CACNB3: variants seen among roughly 807,000 people sequenced by gnomAD.
CACNB3 encodes voltage-dependent L-type calcium channel subunit beta-3.
Under a neutral mutation model 63.7 loss-of-function variants are expected in CACNB3, and 36 were observed. That is an observed-to-expected ratio of 0.57 (90% confidence interval 0.43 to 0.75). The LOEUF (loss-of-function observed/expected upper bound fraction) is 0.75, where lower values mean the gene tolerates loss of function less well. CACNB3 is among the 30% of genes least tolerant of loss of function. The probability of loss-of-function intolerance (pLI) is 0.00; values close to 1 mark genes in which losing one functional copy is unlikely to be tolerated. For synonymous variants in CACNB3, 241 were observed against 250.6 expected (o/e 0.96, Z 0.36); for missense variants, 493 against 648.6 (o/e 0.76, Z 2.61).
upstream of CACNB3, among the ~76,000 whole-genome samples, chr12:48,816,077 T>C (rs1942281806): frequency 6.6e-6 from 1 of 152,194 alleles, no homozygotes; most frequent in Non-Finnish European, 1.5e-5. Context: ...GGCCTCCACC[T>C]GGTCCAGATC....
At chr12:48,824,466 C>T in intron 4 of CACNB3, 93 bp downstream of exon 4, 1 of 1,173,020 alleles carries the variant, frequency 8.5e-7, no homozygotes, top group Non-Finnish European at 1.2e-6. Flanking sequence ...ACATGCATAT[C>T]CCCCTGAAAT....
In CACNB3 at chr12:48,825,455, G is replaced by T. The variant is rs1407247728; in HGVS notation, c.595G>T (p.Ala199Ser). The T allele has an allele frequency of 2.5e-6, 4 of 1,614,170 alleles. No homozygotes were observed. In the Admixed American group the frequency reaches 5.0e-5, roughly 20 times the overall value. The change falls in exon 8 of 13, where the codon GCT becomes TCT. Residue 199 changes from alanine to serine, a missense_variant. Physicochemically the swap from Ala to Ser is moderately conservative, Grantham distance 99. Transcript: ENST00000301050. This position sits in a 1 kb window ranked among gnomAD's most constrained non-coding sequence, Gnocchi z 4.5. ...CCAGGTCACAGACATGATGCAGAAGGCTCTCTTCGACTTCCTCAAACACAG... is the reference window on the plus strand; with the variant it reads ...CCAGGTCACAGACATGATGCAGAAGTCTCTCTTCGACTTCCTCAAACACAG... ...GYEVTDMMQKALFDFLKHRFD... is the reference protein window; with the variant it reads ...GYEVTDMMQKSLFDFLKHRFD...
chr12:48,814,689 G>C, upstream of CACNB3: 1 of 952,374 alleles, frequency 1.1e-6, no homozygotes, highest in East Asian at 3.0e-5. The surrounding 1 kb of genome is among the most constrained non-coding windows in gnomAD (Gnocchi z 6.9). Flanking sequence ...GAAAGGAGGG[G>C]GAGAGGGGTT....
In CACNB3 at chr12:48,823,042, C is replaced by T. The variant is rs1937937027; in HGVS notation, c.46-302C>T. 1.3e-5 allele frequency among the ~76,000 whole-genome samples: 2 copies of T among 152,116 alleles called. No homozygotes were observed. The highest frequency in any genetic ancestry group is 4.8e-5 in the African/African-American group (2 of 41,402). On this transcript the variant is annotated intron_variant, in intron 1 of 12. Coordinates refer to ENST00000301050, the MANE Select transcript of CACNB3 (RefSeq NM_000725.4). The surrounding 1 kb of genome is among the most constrained non-coding windows in gnomAD (Gnocchi z 4.2). ...ACCTCCCTTCCCTCGGCTCAGAGGA[C>T]ATGTTAGAGGGGAGAAAAGGGAGGA...
rs1334206849 is a variant in CACNB3, at chr12:48,823,124, G to A, written c.46-220G>A. 1.3e-5 allele frequency among the ~76,000 whole-genome samples: 2 copies of A among 152,190 alleles called. No individual in the cohort carries two copies. Among genetic ancestry groups the A allele is most frequent in the Non-Finnish European group, 2.9e-5 (2 of 68,032 alleles). Reference sequence around the variant, plus strand: ...CAGTATTAATAGGCTTGGGGGAGGAGGGGCCCAGATCTTTGCACCTATGGA... The same window carrying A: ...CAGTATTAATAGGCTTGGGGGAGGAAGGGCCCAGATCTTTGCACCTATGGA... On this transcript the variant is annotated intron_variant, in intron 1 of 12. Coordinates refer to ENST00000301050, the MANE Select transcript of CACNB3 (RefSeq NM_000725.4). This position sits in a 1 kb window ranked among gnomAD's most constrained non-coding sequence, Gnocchi z 4.2.
At chr12:48,827,304 A>G (rs556198993) in intron 12 of CACNB3, among the ~76,000 whole-genome samples, 181 bp downstream of exon 12, 3 of 152,340 alleles carry the variant, frequency 2.0e-5, no homozygotes, top group African/African-American at 7.2e-5. Flanking sequence ...GAGGGAATCA[A>G]TCAATGAGAT....
chr12:48,816,732 G>A, upstream of CACNB3: 1 of 445,426 alleles, frequency 2.2e-6, no homozygotes, highest in Non-Finnish European at 3.0e-6. Context: ...TGAGGAAGGA[G>A]TGCTGCCGAT....
chr12:48,814,549 T>G, upstream of CACNB3: 3 of 1,518,392 alleles, frequency 2.0e-6, no homozygotes, highest in East Asian at 5.1e-5. The surrounding 1 kb of genome is among the most constrained non-coding windows in gnomAD (Gnocchi z 6.9). Context: ...GAGACCAGGA[T>G]GGAGGTAGGG....
rs892664358 is a variant in CACNB3 at position 48,827,929 on chromosome 12, A to G, written c.*30A>G. ...CTCCTGCTGCCCTACCCTGGCAGGC[A>G]CAGGCGCAGCTGGCTGGGGGGCCCA... On this transcript the variant is annotated 3_prime_UTR_variant, in exon 13 of 13. Coordinates refer to ENST00000301050, the MANE Select transcript of CACNB3 (RefSeq NM_000725.4). The G allele has an allele frequency of 1.9e-6, 3 of 1,588,754 alleles. No homozygotes were observed. The highest frequency in any genetic ancestry group is 2.6e-6 in the Non-Finnish European group (3 of 1,161,484).
chr12:48,818,538 C>G lies in CACNB3; in HGVS notation c.-392C>G, dbSNP rs1937643369. ...CCACGGCCCCGTAGGTGCTCGGGGA[C>G]CCACCTTCCACCTAGCACGGGTTCG... On this transcript the variant is annotated 5_prime_UTR_variant, in exon 1 of 13. Coordinates refer to ENST00000301050, the MANE Select transcript of CACNB3 (RefSeq NM_000725.4). This position sits in a 1 kb window ranked among gnomAD's most constrained non-coding sequence, Gnocchi z 4.3. 9.8e-7 allele frequency: 1 copy of G among 1,022,686 alleles called. No homozygotes were observed. Among genetic ancestry groups the G allele is most frequent in the African/African-American group, 1.7e-5 (1 of 58,166 alleles). The allele number at this position is 1,022,686 out of a possible 1,614,324, so 63.4% of individuals were successfully genotyped here.
Position 48,823,487 on chromosome 12 carries a change from G to T in CACNB3, c.168+21G>T, listed in dbSNP as rs1420902432. 1 of 1,611,780 alleles carries T rather than the reference G, an allele frequency of 6.2e-7. No individual in the cohort carries two copies. The highest frequency in any genetic ancestry group is 8.5e-7 in the Non-Finnish European group (1 of 1,178,798). ...CCAAGGTATACTTTCTGGGCATGGG[G>T]CAAGACAGGAGGCCAAGCTAGGTGG... On this transcript the variant is annotated intron_variant, in intron 2 of 12. Transcript: ENST00000301050. This position sits in a 1 kb window ranked among gnomAD's most constrained non-coding sequence, Gnocchi z 4.2.
exon 1 of CACNB3, chr12:48,818,490 TCTCCTCCCCTTC>T (rs1222343626): frequency 1.0e-6 from 1 of 997,618 alleles, no homozygotes; most frequent in Admixed American, 6.1e-5. This position sits in a 1 kb window ranked among gnomAD's most constrained non-coding sequence, Gnocchi z 4.3. Context: ...GCCCGCAGCC[TCTCCTCCCCTTC>T]CTCCCCGCCG....
rs768890638 is a variant in CACNB3, at chr12:48,827,676, G to A, written c.1232G>A (p.Arg411His). Residue 411 changes from arginine (R) to histidine (H), a missense_variant, in exon 13 of 13, where the codon CGC becomes CAC. Arg to His is a conservative substitution (Grantham distance 29). Coordinates refer to ENST00000301050, the MANE Select transcript of CACNB3 (RefSeq NM_000725.4). Reference protein sequence around the residue: ...MPSDEASESSRQAWTGSSQRS... With the variant: ...MPSDEASESSHQAWTGSSQRS... ...TCTGATGAGGCCAGCGAGAGCTCCC[G>A]CCAAGCCTGGACAGGATCTTCACAG... The A allele has an allele frequency of 3.5e-5, 57 of 1,613,772 alleles. No homozygotes were observed. The highest frequency in any genetic ancestry group is 4.4e-5 in the South Asian group (4 of 91,086).
At position 48,827,076 on chromosome 12, in the gene CACNB3, C is replaced by T; in HGVS notation, c.1093C>T (p.Pro365Ser). 6.2e-7 allele frequency: 1 copy of T among 1,613,404 alleles called. No homozygotes were observed. Among genetic ancestry groups the T allele is most frequent in the South Asian group, 1.1e-5 (1 of 91,042 alleles). Residue 365 changes from proline to serine, a missense_variant, in exon 12 of 13, where the codon CCT (proline) becomes TCT (serine). Pro to Ser is a moderately conservative substitution (Grantham distance 74). Coordinates refer to ENST00000301050, the MANE Select transcript of CACNB3 (RefSeq NM_000725.4). ...CTGGCGGGCCACGCACCACCCAGCC[C>T]CTGGCCCCGGACTTCTGGGTCCTCC... ...VYWRATHHPA[P>S]GPGLLGPPSA...
At position 48,818,718 on chromosome 12, in the gene CACNB3, T is replaced by G. The variant is rs1937660059; in HGVS notation, c.-212T>G. ...GCGCTCGGGGTGGGACCGGCTGGGT[T>G]TGGGGGGGTGGGGTGGGGGGAGCGG... is the stretch of plus-strand genomic sequence containing the variant. On this transcript the variant is annotated 5_prime_UTR_variant, in exon 1 of 13. Transcript: ENST00000301050. The surrounding 1 kb of genome is among the most constrained non-coding windows in gnomAD (Gnocchi z 4.3). 1.2e-5 allele frequency: 5 copies of G among 407,294 alleles called. No individual in the cohort carries two copies. Among genetic ancestry groups the G allele is most frequent in the Non-Finnish European group, 1.6e-5 (4 of 244,364 alleles). 25.2% of individuals were successfully genotyped at this position (407,294 alleles called of 1,614,324 possible). A position where few individuals can be genotyped will look rare whatever the true frequency, so the allele number is the denominator to read the frequency against.
chr12:48,827,491 G>T lies in CACNB3; in HGVS notation c.1141-94G>T, dbSNP rs1938208634. ...TCCTTGCACTATTTCCTTTACCGGG[G>T]AATTGAGAGTTGAGGGGGGAAGAAT... On this transcript the variant is annotated intron_variant, in intron 12 of 12. Transcript: ENST00000301050. 4 of 1,165,628 alleles carry T rather than the reference G, an allele frequency of 3.4e-6. No homozygotes were observed. The South Asian group carries it at 5.8e-5, about 17-fold the overall frequency. The allele number at this position is 1,165,628 out of a possible 1,614,324, so 72.2% of individuals were successfully genotyped here. A position where few individuals can be genotyped will look rare whatever the true frequency, so the allele number is the denominator to read the frequency against.
At chr12:48,814,486 C>G, upstream of CACNB3, 1 of 1,529,888 alleles carries the variant, frequency 6.5e-7, no homozygotes, top group Admixed American at 2.0e-5. The surrounding 1 kb of genome is among the most constrained non-coding windows in gnomAD (Gnocchi z 6.9). Context: ...CTCTGTACTC[C>G]CTGCTGCCCA....
Position 48,818,601 on chromosome 12 carries a change from C to A in CACNB3, c.-329C>A, listed in dbSNP as rs1937648802. On this transcript the variant is annotated 5_prime_UTR_variant, in exon 1 of 13. Coordinates refer to ENST00000301050, the MANE Select transcript of CACNB3 (RefSeq NM_000725.4). This position sits in a 1 kb window ranked among gnomAD's most constrained non-coding sequence, Gnocchi z 4.3. Reference sequence around the variant, plus strand: ...GGCCTGGCCCGGGCTCCCCGGTGGCCGCCGCCCCCTCGCCGCCCCCGCCTT... The same window carrying A: ...GGCCTGGCCCGGGCTCCCCGGTGGCAGCCGCCCCCTCGCCGCCCCCGCCTT... 1 of 1,093,380 alleles carries A rather than the reference C, an allele frequency of 9.1e-7. No homozygotes were observed. The highest frequency in any genetic ancestry group is 3.4e-5 in the South Asian group (1 of 29,828). The allele number at this position is 1,093,380 out of a possible 1,614,324, so 67.7% of individuals were successfully genotyped here.
Position 48,825,472 on chromosome 12 carries a change from CA to C in CACNB3, c.615del (p.Lys205AsnfsTer62). 1 of 1,614,190 alleles carries C rather than the reference CA, an allele frequency of 6.2e-7. No individual in the cohort carries two copies. On this transcript the variant is annotated frameshift_variant, in exon 8 of 13. Transcript: ENST00000301050. LOFTEE classifies it high-confidence loss of function. The surrounding 1 kb of genome is among the most constrained non-coding windows in gnomAD (Gnocchi z 4.5). ...MMQKALFDFL[K>X]HRFDGRISIT... Reference sequence around the variant, plus strand: ...TGCAGAAGGCTCTCTTCGACTTCCTCAAACACAGATTTGATGGCAGGTAAGC... The same window carrying C: ...TGCAGAAGGCTCTCTTCGACTTCCTCAACACAGATTTGATGGCAGGTAAGC...
Sources: gnomAD v4.1 joint callset for allele counts (sites outside exome capture counted in the v4.1 genomes callset) on GRCh38, gnomAD v4.1.1 for gene constraint, Gnocchi (gnomAD v3.1) non-coding constraint, MANE v1.5 for transcripts, NCBI Gene and HGNC (gene_info 2026-07-23, HGNC 2026-07-21) for gene names.